LST1: variants seen among roughly 807,000 people sequenced by gnomAD.
LST1 encodes leukocyte specific transcript 1.
In LST1, 9 loss-of-function variants were observed where a neutral mutation model predicts 8.5. That is an observed-to-expected ratio of 1.06 (90% CI 0.64 to 1.85). LST1 has a LOEUF of 1.85. LST1 is among the 40% of genes most tolerant of loss of function. The pLI is 0.00. For missense variants in LST1, 121 were observed against 117.1 expected (o/e 1.03, Z -0.16); for synonymous variants, 53 against 50.4 (o/e 1.05, Z -0.21).
intron 2 of LST1, 101 bp downstream of exon 2, chr6:31,587,419 C>T: frequency 7.3e-7 from 1 of 1,368,134 alleles, no homozygotes; most frequent in Non-Finnish European, 1.0e-6. Flanking sequence ...GTGGACAGGC[C>T]TCTGGGGACA....
At chr6:31,587,808 T>C in intron 3 of LST1, 75 bp downstream of exon 3, 1 of 1,502,654 alleles carries the variant, frequency 6.7e-7, no homozygotes, top group Admixed American at 2.0e-5. Context: ...TTCCCACTGC[T>C]TTCCCAGAAC....
rs1052248 is a variant in LST1 at position 31,588,804 on chromosome 6, T to A, written c.*128T>A. On this transcript the variant is annotated 3_prime_UTR_variant, in exon 5 of 5. Transcript: ENST00000438075. ...AGTCCATCTCGAGCCTCCGTTCAAA[T>A]TGATCATCATCAAAACTTATGTGGC... 0.29 allele frequency: 316,367 copies of A among 1,101,512 alleles called. 49,257 individuals carry two copies. Among genetic ancestry groups the A allele is most frequent in the South Asian group, 0.56 (42,978 of 76,952 alleles). 68.2% of individuals were successfully genotyped at this position (1,101,512 alleles called of 1,614,324 possible).
intron 4 of LST1, 145 bp downstream of exon 4, chr6:31,588,111 G>A (rs1772162038): frequency 3.9e-6 from 3 of 777,450 alleles, no homozygotes; most frequent in Non-Finnish European, 5.9e-6. Flanking sequence ...AGAGAAAATC[G>A]AGGCAAAAGA....
intron 4 of LST1, 34 bp from the exon 5 acceptor site, chr6:31,588,484 C>T (rs751199222): frequency 7.0e-6 from 11 of 1,562,572 alleles, no homozygotes; most frequent in African/African-American, 6.8e-5. Context: ...CTGACGGCAT[C>T]GCCTCCCATC....
rs577039837 is a variant in LST1, at chr6:31,587,038, C to T, written c.-100-162C>T. The T allele has an allele frequency of 7.0e-5, 41 of 585,552 alleles. 2 individuals carry two copies. In the South Asian group the frequency reaches 8.1e-4, roughly 12 times the overall value. The allele number at this position is 585,552 out of a possible 1,614,324, so 36.3% of individuals were successfully genotyped here. On this transcript the variant is annotated intron_variant, in intron 1 of 4. Transcript: ENST00000438075. ...TCTGGGATGGGTGACCTAGTAAAGT[C>T]CAGGCTTGAATCTCGGGTCTTTACT... is the stretch of plus-strand genomic sequence containing the variant.
Position 31,587,208 on chromosome 6 carries a change from C to A in LST1, c.-92C>A. On this transcript the variant is annotated 5_prime_UTR_variant, in exon 2 of 5. Coordinates refer to ENST00000438075, the MANE Select transcript of LST1 (RefSeq NM_205839.3). ...GGCCCCTCACTTCACAGATGAGGAA[C>A]TTGAGGCAAGTCACCAGCCCCTGAT... is the stretch of plus-strand genomic sequence containing the variant. 1.2e-6 allele frequency: 1 copy of A among 852,970 alleles called. No homozygotes were observed. Among genetic ancestry groups the A allele is most frequent in the Non-Finnish European group, 2.0e-6 (1 of 499,306 alleles). 52.8% of individuals were successfully genotyped at this position (852,970 alleles called of 1,614,324 possible). A position where few individuals can be genotyped will look rare whatever the true frequency, so the allele number is the denominator to read the frequency against.
In LST1 at chr6:31,587,184, G is replaced by A; in HGVS notation, c.-100-16G>A. 1.4e-6 allele frequency: 1 copy of A among 740,514 alleles called. No homozygotes were observed. 45.9% of individuals were successfully genotyped at this position (740,514 alleles called of 1,614,324 possible). A position where few individuals can be genotyped will look rare whatever the true frequency, so the allele number is the denominator to read the frequency against. On this transcript the variant is annotated splice_polypyrimidine_tract_variant and intron_variant, in intron 1 of 4. Coordinates refer to ENST00000438075, the MANE Select transcript of LST1 (RefSeq NM_205839.3). ...AGCCTGGGAACGATTATAACAGAGG[G>A]CCCCTCACTTCACAGATGAGGAACT... is the stretch of plus-strand genomic sequence containing the variant.
intron 3 of LST1, 33 bp downstream of exon 3, chr6:31,587,766 C>A: frequency 6.6e-7 from 1 of 1,524,904 alleles, no homozygotes; most frequent in Non-Finnish European, 8.9e-7. Flanking sequence ...CCCCCTGCAG[C>A]AGTGCCCCCT....
chr6:31,588,374 A>AAGAGAGAGAG (rs9279359), intron 4 of LST1, 144 bp from the exon 5 acceptor site: 28 of 627,354 alleles, frequency 4.5e-5, no homozygotes, highest in East Asian at 6.1e-5. Flanking sequence ...CCAAAGAAAA[A>AAGAGAGAGAG]AGAGAGAGAG....
At chr6:31,587,788 C>T in intron 3 of LST1, 55 bp downstream of exon 3, 1 of 1,496,690 alleles carries the variant, frequency 6.7e-7, no homozygotes, top group Non-Finnish European at 9.1e-7. Flanking sequence ...TGCCCCCACC[C>T]CCACACGCTT....
rs747950623 is a variant in LST1, at chr6:31,588,659, G to A, written c.277G>A (p.Glu93Lys). The change falls in exon 5 of 5, where the codon GAG (glutamate) becomes AAG (lysine). Residue 93 changes from glutamate to lysine, a missense_variant. Glu to Lys is a moderately conservative substitution (Grantham distance 56). Transcript: ENST00000438075. The part of the protein sequence containing the change: ...DPRADYACIA[E>K]NKPT ...AAGAGCTGACTATGCCTGCATTGCT[G>A]AGAACAAACCCACCTGAGCACCCCA... 5.6e-6 allele frequency: 9 copies of A among 1,613,158 alleles called. No homozygotes were observed. In the South Asian group the frequency reaches 6.6e-5, roughly 12 times the overall value.
At chr6:31,588,395 AGAGAGAGG>A (rs1345382597) in intron 4 of LST1, 115 bp from the exon 5 acceptor site, 14 of 921,642 alleles carry the variant, frequency 1.5e-5, no homozygotes, top group Non-Finnish European at 2.0e-5. Context: ...AGAGAGAGAG[AGAGAGAGG>A]GAGAGAGAGA....
At chr6:31,586,605 G>A (rs9368696) in intron 1 of LST1, 7,040 of 152,166 alleles carry the variant, frequency 0.046, 524 homozygotes, top group East Asian at 0.35. Flanking sequence ...TGAAGAGAAC[G>A]GCCCCCTCTT....
At chr6:31,588,257 C>T in intron 4 of LST1, 1 of 595,688 alleles carries the variant, frequency 1.7e-6, no homozygotes, top group South Asian at 2.2e-5. Flanking sequence ...CAGAACCAGG[C>T]ACAGTGGCTC....
In LST1 at chr6:31,587,966, G is replaced by C. The variant is rs756763703; in HGVS notation, c.135G>C (p.Trp45Cys). The C allele has an allele frequency of 6.2e-7, 1 of 1,609,518 alleles. No homozygotes were observed. Among genetic ancestry groups the C allele is most frequent in the Non-Finnish European group, 8.5e-7 (1 of 1,178,134 alleles). ...CAGTAAAGAGGCTGGAGAGGAGCTG[G>C]GTGAGTCTGGGGACAGGGAAGGGGG... ...HRRVKRLERS[W>C]AQGSSEQELH... Residue 45 changes from tryptophan (W) to cysteine (C), a missense_variant and splice_region_variant, in exon 4 of 5, where the codon TGG (tryptophan) becomes TGC (cysteine). Transcript: ENST00000438075.
At chr6:31,588,048 G>A in intron 4 of LST1, 82 bp downstream of exon 4, 1 of 1,428,106 alleles carries the variant, frequency 7.0e-7, no homozygotes, top group Non-Finnish European at 9.5e-7. Context: ...AGCGCTGAGA[G>A]GAGGGTTGGG....
intron 2 of LST1, 34 bp from the exon 3 acceptor site, chr6:31,587,607 T>C: frequency 7.4e-7 from 1 of 1,342,600 alleles, no homozygotes; most frequent in Non-Finnish European, 1.0e-6. Flanking sequence ...GGAGAAGGAA[T>C]GGGCTTCCTA....
At chr6:31,588,393 AG>A in intron 4 of LST1, 124 bp from the exon 5 acceptor site, 8 of 941,214 alleles carry the variant, frequency 8.5e-6, no homozygotes, top group South Asian at 1.6e-5. Flanking sequence ...AGAGAGAGAG[AG>A]AGAGAGAGGG....
chr6:31,588,394 GA>G, intron 4 of LST1, 123 bp from the exon 5 acceptor site: 5 of 929,890 alleles, frequency 5.4e-6, no homozygotes, highest in African/African-American at 1.7e-5. Context: ...GAGAGAGAGA[GA>G]GAGAGAGGGA....
Sources: allele counts gnomAD v4.1 joint callset, GRCh38; gene constraint gnomAD v4.1.1; transcripts MANE v1.5; gene names NCBI Gene and HGNC (gene_info 2026-07-23, HGNC 2026-07-21).